Variants in ADGRE1 observed in about 807,000 individuals in gnomAD.
ADGRE1 encodes the protein EGF-like module receptor 1.
ADGRE1 carries 82 observed loss-of-function variants against 102.7 expected under a neutral mutation model. The observed-to-expected ratio is 0.80, with a 90% confidence interval of 0.67 to 0.96. ADGRE1 has a LOEUF of 0.96. Ranked by LOEUF, ADGRE1 falls within the 40% of genes least tolerant of loss-of-function variation. The pLI is 0.00. For synonymous variants in ADGRE1, 398 were observed against 399.6 expected (o/e 1.00, Z 0.05); for missense variants, 1,032 against 1,085.3 (o/e 0.95, Z 0.69).
intron 20 of ADGRE1, among the ~76,000 whole-genome samples, chr19:6,938,496 T>C (rs1252003364): frequency 6.6e-6 from 1 of 152,174 alleles, no homozygotes; most frequent in African/African-American, 2.4e-5. Context: ...CCCACTAGAA[T>C]GTCTTATTTT....
chr19:6,926,317 A>G, intron 15 of ADGRE1, 49 bp from the exon 16 acceptor site: 4 of 1,598,002 alleles, frequency 2.5e-6, no homozygotes, highest in Non-Finnish European at 3.4e-6. Flanking sequence ...CTTCCTTTCG[A>G]TTTCTCTCTG....
chr19:6,901,382 G>C (rs924613303), intron 5 of ADGRE1, among the ~76,000 whole-genome samples: 12 of 152,154 alleles, frequency 7.9e-5, no homozygotes, highest in Non-Finnish European at 1.2e-4. Context: ...AGGCCCAATA[G>C]AATGAACAGA....
intron 10 of ADGRE1, among the ~76,000 whole-genome samples, chr19:6,911,691 ATACACACGTG>A (rs1974194482): frequency 6.6e-6 from 1 of 151,726 alleles, no homozygotes; most frequent in Non-Finnish European, 1.5e-5. Context: ...ACATACACGT[ATACACACGTG>A]TACACACACA....
chr19:6,891,426 C>A (rs1247170622), intron 2 of ADGRE1, among the ~76,000 whole-genome samples: 1 of 151,146 alleles, frequency 6.6e-6, no homozygotes, highest in African/African-American at 2.4e-5. Context: ...GCAACTTGGT[C>A]TATATTGTGT....
chr19:6,896,757 A>G (rs1295468168), intron 3 of ADGRE1: 4 of 550,700 alleles, frequency 7.3e-6, no homozygotes, highest in Non-Finnish European at 1.2e-5. Flanking sequence ...TAGTGTTGCT[A>G]GCAAACATGA....
At chr19:6,899,081 A>G (rs1973677393) in intron 5 of ADGRE1, among the ~76,000 whole-genome samples, 1 of 152,162 alleles carries the variant, frequency 6.6e-6, no homozygotes, top group Admixed American at 6.6e-5. Flanking sequence ...TCTGTGAACT[A>G]TATGCAAATA....
At chr19:6,912,433 T>A (rs145931270) in intron 10 of ADGRE1, among the ~76,000 whole-genome samples, 48 of 152,368 alleles carry the variant, frequency 3.2e-4, no homozygotes, top group African/African-American at 1.1e-3. Context: ...ACTTCATAGA[T>A]ATCTTCTACA....
intron 18 of ADGRE1, among the ~76,000 whole-genome samples, chr19:6,936,367 C>T (rs375869721): frequency 6.7e-5 from 10 of 149,166 alleles, no homozygotes; most frequent in Admixed American, 2.0e-4. Flanking sequence ...ACCCAGGAGG[C>T]GGAGCTTGCA....
chr19:6,906,356 C>A, intron 8 of ADGRE1, 77 bp from the exon 9 acceptor site: 1 of 1,318,522 alleles, frequency 7.6e-7, no homozygotes, highest in Non-Finnish European at 1.1e-6. Flanking sequence ...CACGGGAGGA[C>A]ATGAAATCAG....
intron 8 of ADGRE1, among the ~76,000 whole-genome samples, 181 bp downstream of exon 8, chr19:6,904,363 ATTAG>A (rs1359165836): frequency 1.3e-5 from 2 of 151,752 alleles, no homozygotes; most frequent in African/African-American, 2.4e-5. Flanking sequence ...CTATTAATTA[ATTAG>A]TTAAACAGGA....
intron 6 of ADGRE1, among the ~76,000 whole-genome samples, chr19:6,902,578 T>C (rs1174087909): frequency 1.3e-5 from 2 of 151,920 alleles, no homozygotes; most frequent in African/African-American, 4.8e-5. Flanking sequence ...GTAGATGGGA[T>C]TACAGGCATG....
Position 6,906,486 on chromosome 19 carries a change from C to T in ADGRE1, c.1003C>T (p.Gln335Ter). ...DVIPDNKQIQQCQEGTAVKPA... is the reference protein window; with the variant it reads ...DVIPDNKQIQ The stretch of plus-strand genomic sequence containing the variant: ...GATACCCGATAATAAGCAGATCCAG[C>T]AATGCCAAGAGGGAACCGCAGTGAA... The change falls in exon 9 of 21, where the codon CAA becomes TAA. Residue 335 changes from glutamine to a stop codon, truncating the protein, a stop_gained. Coordinates refer to ENST00000312053, the MANE Select transcript of ADGRE1 (RefSeq NM_001974.5). LOFTEE classifies it high-confidence loss of function. 4.3e-6 allele frequency: 7 copies of T among 1,613,820 alleles called. No homozygotes were observed. The highest frequency in any genetic ancestry group is 4.2e-6 in the Non-Finnish European group (5 of 1,179,826).
At chr19:6,903,993 C>T (rs370558006) in intron 7 of ADGRE1, 43 bp downstream of exon 7, 2 of 1,614,042 alleles carry the variant, frequency 1.2e-6, no homozygotes, top group African/African-American at 1.3e-5. Context: ...AGACATTTCT[C>T]TTTGCTCTTC....
At chr19:6,919,442 C>CTGTGTATGTGTGTGTGTGTG in intron 12 of ADGRE1, 106 bp from the exon 13 acceptor site, 1 of 448,580 alleles carries the variant, frequency 2.2e-6, no homozygotes. Flanking sequence ...CTCCCTCCCT[C>CTGTGTATGTGTGTGTGTGTG]TGTGTGTGTG....
chr19:6,934,387 A>G (rs1465342942), intron 17 of ADGRE1, among the ~76,000 whole-genome samples: 1 of 149,770 alleles, frequency 6.7e-6, no homozygotes, highest in Non-Finnish European at 1.5e-5. Context: ...ATTGGTTGCT[A>G]TAAATCGTGG....
intron 20 of ADGRE1, among the ~76,000 whole-genome samples, chr19:6,939,022 CT>C (rs1383087175): frequency 2.0e-5 from 3 of 152,022 alleles, no homozygotes; most frequent in African/African-American, 7.2e-5. Flanking sequence ...TCTCGAACTC[CT>C]GACCTCAGGT....
intron 1 of ADGRE1, among the ~76,000 whole-genome samples, chr19:6,888,036 C>A (rs1164537018): frequency 6.6e-6 from 1 of 152,086 alleles, no homozygotes; most frequent in Non-Finnish European, 1.5e-5. Context: ...AGAGTGTATC[C>A]AATTGTCACA....
chr19:6,930,489 G>T (rs1037882711), intron 17 of ADGRE1, among the ~76,000 whole-genome samples: 1 of 151,974 alleles, frequency 6.6e-6, no homozygotes, highest in African/African-American at 2.4e-5. Flanking sequence ...TATATTTATG[G>T]GGTATATGAA....
chr19:6,902,114 C>A (rs1973785353), intron 6 of ADGRE1, 93 bp downstream of exon 6: 3 of 1,465,648 alleles, frequency 2.0e-6, no homozygotes, highest in Non-Finnish European at 1.9e-6. Flanking sequence ...GAGTTTGAGA[C>A]TTTCATCTGC....
Sources: gnomAD v4.1 joint callset for allele counts (sites outside exome capture counted in the v4.1 genomes callset) on GRCh38, gnomAD v4.1.1 for gene constraint, MANE v1.5 for transcripts, NCBI Gene and HGNC (gene_info 2026-07-23, HGNC 2026-07-21) for gene names.